CD38: variants seen among roughly 807,000 people sequenced by gnomAD.
CD38 encodes the protein CD38 molecule.
A neutral mutation model predicts 36.3 loss-of-function variants in CD38; 31 were observed. The ratio of observed to expected loss-of-function variants is 0.85; its 90% confidence interval spans 0.64 to 1.15. CD38 has a LOEUF of 1.15. Ranked by LOEUF, CD38 falls within the 50% of genes most tolerant of loss-of-function variation. The pLI is 0.00. For missense variants in CD38, 380 were observed against 371.9 expected, an observed-to-expected ratio of 1.02 and a Z score of -0.18; for synonymous variants, 131 against 135.2, an observed-to-expected ratio of 0.97 and a Z score of 0.22.
At chr4:15,785,868 A>G (rs1369660515) in intron 1 of CD38, among the ~76,000 whole-genome samples, 1 of 152,068 alleles carries the variant, frequency 6.6e-6, no homozygotes, top group African/African-American at 2.4e-5. Flanking sequence ...GTGTGTCCAG[A>G]GTTTGTTCCT....
intron 1 of CD38, among the ~76,000 whole-genome samples, chr4:15,809,990 G>GCCC (rs1723431267): frequency 6.6e-6 from 1 of 152,098 alleles, no homozygotes; most frequent in Non-Finnish European, 1.5e-5. Context: ...CATAAAACCT[G>GCCC]CCCCCAGATT....
intron 6 of CD38, 21 bp downstream of exon 6, chr4:15,840,139 C>T: frequency 6.6e-7 from 1 of 1,505,876 alleles, no homozygotes; most frequent in Non-Finnish European, 9.2e-7. Flanking sequence ...CTACTTTGTA[C>T]CCAAGTGTTA....
intron 3 of CD38, chr4:15,825,953 C>A (rs986552235): frequency 6.8e-6 from 1 of 148,086 alleles, no homozygotes; most frequent in African/African-American, 2.5e-5. Context: ...GTTTTCACTT[C>A]TTTTTTTTTT....
At chr4:15,792,443 AAAGGAATGAATCAAGAAAAAAAAAG>A (rs1723022770) in intron 1 of CD38, among the ~76,000 whole-genome samples, 1 of 149,964 alleles carries the variant, frequency 6.7e-6, no homozygotes, top group African/African-American at 2.5e-5. Flanking sequence ...AAAATAAAAA[AAAGGAATGAATCAAGAAAAAAAAAG>A]AAAAGAAAAG....
At chr4:15,825,942 A>G (rs1008939731) in intron 3 of CD38, 20 of 150,772 alleles carry the variant, frequency 1.3e-4, no homozygotes, top group Non-Finnish European at 4.4e-5. Context: ...ACCCTACTGC[A>G]GTTTTCACTT....
intron 5 of CD38, among the ~76,000 whole-genome samples, chr4:15,838,905 T>C (rs1355704625): frequency 1.3e-5 from 2 of 152,184 alleles, no homozygotes; most frequent in East Asian, 1.9e-4. Flanking sequence ...TTATTCTCAT[T>C]TGCTGATCCT....
chr4:15,851,511 A>T lies in CD38; in HGVS notation c.*2909A>T, dbSNP rs1724385492. 1.3e-5 allele frequency: 2 copies of T among 152,174 alleles called. No individual in the cohort carries two copies. The highest frequency in any genetic ancestry group is 1.3e-4 in the Admixed American group (2 of 15,284). The allele number at this position is 152,174 out of a possible 1,614,324, so 9.4% of individuals were successfully genotyped here. A position where few individuals can be genotyped will look rare whatever the true frequency, so the allele number is the denominator to read the frequency against. On this transcript the variant is annotated 3_prime_UTR_variant, in exon 8 of 8. Coordinates refer to ENST00000226279, the MANE Select transcript of CD38 (RefSeq NM_001775.4). The stretch of plus-strand genomic sequence containing the variant: ...CTGGGCCCTAATGCCCCTTTTCTAA[A>T]TTCCTAAGGCTCACCATTTTCCTAT...
Position 15,838,127 on chromosome 4 carries a change from G to A in CD38, c.621G>A (p.Met207Ile), listed in dbSNP as rs751606737. ...CTGCCTGTGATGTGGTCCATGTGAT[G>A]CTCAATGGATCCCGCAGTAAAATCT... is the stretch of plus-strand genomic sequence containing the variant. Reference protein sequence around the residue: ...AEAACDVVHVMLNGSRSKIFD... With the variant: ...AEAACDVVHVILNGSRSKIFD... Residue 207 changes from methionine (M) to isoleucine (I), a missense_variant, in exon 5 of 8, where the codon ATG (methionine) becomes ATA (isoleucine). Transcript: ENST00000226279. The A allele has an allele frequency of 1.9e-6, 3 of 1,613,602 alleles. No homozygotes were observed. The highest frequency in any genetic ancestry group is 2.2e-5 in the South Asian group (2 of 91,060).
rs547787516 is a variant in CD38, at chr4:15,848,687, C to G, written c.*85C>G. 3 of 1,165,762 alleles carry G rather than the reference C, an allele frequency of 2.6e-6. No homozygotes were observed. Among genetic ancestry groups the G allele is most frequent in the African/African-American group, 1.5e-5 (1 of 66,142 alleles). The allele number at this position is 1,165,762 out of a possible 1,614,324, so 72.2% of individuals were successfully genotyped here. ...ACTCAGCATACCTGCTGGTGCAGAG[C>G]TGAAGATTTTGGAGGGTCCTCCACA... is the stretch of plus-strand genomic sequence containing the variant. On this transcript the variant is annotated 3_prime_UTR_variant, in exon 8 of 8. Transcript: ENST00000226279.
chr4:15,797,341 A>G (rs1240489797), intron 1 of CD38, among the ~76,000 whole-genome samples: 1 of 152,214 alleles, frequency 6.6e-6, no homozygotes, highest in Non-Finnish European at 1.5e-5. Context: ...TTGAATGACC[A>G]TACTACTCAT....
At chr4:15,829,840 A>G (rs1290789407) in intron 3 of CD38, among the ~76,000 whole-genome samples, 2 of 152,142 alleles carry the variant, frequency 1.3e-5, no homozygotes, top group Non-Finnish European at 2.9e-5. Flanking sequence ...AGAACATCCT[A>G]TGTTTATCTT....
rs1184420157 is a variant in CD38 at position 15,852,097 on chromosome 4, G to A, written c.*3495G>A. Reference sequence around the variant, plus strand: ...CACATGACTGTATATATACTTTCCTGTTACAACAACAGTGTCTCTCAATCC... The same window carrying A: ...CACATGACTGTATATATACTTTCCTATTACAACAACAGTGTCTCTCAATCC... On this transcript the variant is annotated 3_prime_UTR_variant, in exon 8 of 8. Transcript: ENST00000226279. 2 of 152,182 alleles carry A rather than the reference G, an allele frequency of 1.3e-5. No individual in the cohort carries two copies. Among genetic ancestry groups the A allele is most frequent in the Admixed American group, 6.5e-5 (1 of 15,282 alleles). The allele number at this position is 152,182 out of a possible 1,614,324, so 9.4% of individuals were successfully genotyped here. A position where few individuals can be genotyped will look rare whatever the true frequency, so the allele number is the denominator to read the frequency against.
chr4:15,789,993 C>T (rs1208080488), intron 1 of CD38, among the ~76,000 whole-genome samples: 1 of 152,154 alleles, frequency 6.6e-6, no homozygotes, highest in Non-Finnish European at 1.5e-5. Context: ...TGGAAGGTGT[C>T]CTCTTAGCAA....
chr4:15,825,221 TCA>T (rs1186154971), intron 3 of CD38: 1 of 532,118 alleles, frequency 1.9e-6, no homozygotes, highest in South Asian at 2.8e-5. Flanking sequence ...TTTATTTGAC[TCA>T]CAGTTACGCA....
intron 1 of CD38, among the ~76,000 whole-genome samples, chr4:15,779,508 C>G (rs867186872): frequency 6.6e-6 from 1 of 152,056 alleles, no homozygotes; most frequent in Non-Finnish European, 1.5e-5. Flanking sequence ...GGAAGGCAGG[C>G]AGGGGGAGCT....
intron 1 of CD38, among the ~76,000 whole-genome samples, chr4:15,781,267 T>C (rs1011221604): frequency 5.3e-5 from 8 of 152,218 alleles, no homozygotes; most frequent in African/African-American, 1.9e-4. Context: ...TCTGCCTTTC[T>C]TCTAGTTGCT....
intron 7 of CD38, among the ~76,000 whole-genome samples, chr4:15,847,756 G>A (rs1252741729): frequency 6.6e-6 from 1 of 151,958 alleles, no homozygotes; most frequent in Admixed American, 6.5e-5. Flanking sequence ...TACCTTTTTT[G>A]TCTTATGAAA....
intron 7 of CD38, among the ~76,000 whole-genome samples, chr4:15,842,286 C>T (rs1175216480): frequency 4.4e-5 from 6 of 137,084 alleles, no homozygotes; most frequent in Admixed American, 4.2e-4. Context: ...GGAGGCACCC[C>T]CCAGCAGGGG....
Position 15,778,539 on chromosome 4 carries a change from T to C in CD38, c.125T>C (p.Val42Ala), listed in dbSNP as rs746701203. 4 of 1,613,192 alleles carry C rather than the reference T, an allele frequency of 2.5e-6. No individual in the cohort carries two copies. In the South Asian group the frequency reaches 4.4e-5, roughly 18 times the overall value. ...VLILVVVLAVVVPRWRQQWSG... is the reference protein window; with the variant it reads ...VLILVVVLAVAVPRWRQQWSG... ...ATCCTCGTCGTGGTGCTCGCGGTGG[T>C]CGTCCCGAGGTGGCGCCAGCAGTGG... Residue 42 changes from valine (V) to alanine (A), a missense_variant, in exon 1 of 8, where the codon GTC becomes GCC. Physicochemically the swap from Val to Ala is moderately conservative, Grantham distance 64. Transcript: ENST00000226279. The surrounding 1 kb of genome is among the most constrained non-coding windows in gnomAD (Gnocchi z 4.9).
Sources: allele counts gnomAD v4.1 joint callset (sites outside exome capture counted in the v4.1 genomes callset), GRCh38; gene constraint gnomAD v4.1.1; non-coding constraint Gnocchi (gnomAD v3.1); transcripts MANE v1.5; gene names NCBI Gene and HGNC (gene_info 2026-07-23, HGNC 2026-07-21).